Variants in GRB10 observed in about 807,000 individuals in gnomAD.
GRB10 encodes growth factor receptor bound protein 10.
A neutral mutation model predicts 80.9 loss-of-function variants in GRB10; 20 were observed. That is an observed-to-expected ratio of 0.25 (90% CI 0.17 to 0.36). The LOEUF (loss-of-function observed/expected upper bound fraction) is 0.36. GRB10 is among the 10% of genes least tolerant of loss of function. The probability of loss-of-function intolerance (pLI) is 1.00; values close to 1 mark genes in which losing one functional copy is unlikely to be tolerated. For missense variants in GRB10, 548 were observed against 747.7 expected (o/e 0.73, Z 3.12); for synonymous variants, 291 against 291.5 (o/e 1.00, Z 0.02).
intron 8 of GRB10, among the ~76,000 whole-genome samples, chr7:50,619,879 C>T (rs2051362187): frequency 6.6e-6 from 1 of 152,190 alleles, no homozygotes; most frequent in African/African-American, 2.4e-5. Context: ...CACGTGAAGG[C>T]AGGGAAGAAA....
At chr7:50,688,313 A>G (rs888554210) in intron 5 of GRB10, among the ~76,000 whole-genome samples, 17 of 152,236 alleles carry the variant, frequency 1.1e-4, no homozygotes, top group African/African-American at 4.1e-4. Flanking sequence ...CATGTATTTG[A>G]TAATTTAATA....
rs1301434588 is a variant in GRB10 at position 50,605,349 on chromosome 7, C to T, written c.1330G>A (p.Val444Met). The change falls in exon 15 of 19, where the codon GTG (valine) becomes ATG (methionine). Residue 444 changes from valine to methionine, a missense_variant. Physicochemically the swap from Val to Met is conservative, Grantham distance 21 (BLOSUM62 1). Around this residue, in one of 4 missense-constraint regions of GRB10, gnomAD observed 270 missense variants for 433.6 expected, o/e 0.62. Coordinates refer to ENST00000401949, the MANE Select transcript of GRB10 (RefSeq NM_001350814.2). ...TGGGCCTCTGCCGGATTCTCTATCA[C>T]GCGTCCTGTTTGCCCAGAAAAATCC... is the stretch of plus-strand genomic sequence containing the variant. ...AMDFSGQTGR[V>M]IENPAEAQSA... The T allele has an allele frequency of 6.2e-7, 1 of 1,614,214 alleles. No individual in the cohort carries two copies. The highest frequency in any genetic ancestry group is 1.7e-5 in the Admixed American group (1 of 60,028).
At chr7:50,759,561 T>C (rs1562638873) in intron 2 of GRB10, among the ~76,000 whole-genome samples, 1 of 152,240 alleles carries the variant, frequency 6.6e-6, no homozygotes, top group Non-Finnish European at 1.5e-5. Context: ...ATGATGTAAA[T>C]GCTATATTGT....
chr7:50,667,995 G>A (rs1033914037), intron 7 of GRB10, among the ~76,000 whole-genome samples: 1 of 152,236 alleles, frequency 6.6e-6, no homozygotes, highest in African/African-American at 2.4e-5. Context: ...CCCACAGACA[G>A]CTTGTCTGGA....
chr7:50,753,039 G>C (rs1024152907), intron 3 of GRB10, among the ~76,000 whole-genome samples: 10 of 152,168 alleles, frequency 6.6e-5, no homozygotes, highest in Non-Finnish European at 8.8e-5. Flanking sequence ...CTGGCTCTTA[G>C]AGGCAGTGAG....
chr7:50,602,325 G>A (rs2047753727), intron 17 of GRB10, among the ~76,000 whole-genome samples: 1 of 152,152 alleles, frequency 6.6e-6, no homozygotes, highest in Non-Finnish European at 1.5e-5. Flanking sequence ...CCTTGGTGGG[G>A]AGGTTCCAGC....
At chr7:50,732,991 T>A (rs1002242816) in intron 3 of GRB10, among the ~76,000 whole-genome samples, 3 of 152,190 alleles carry the variant, frequency 2.0e-5, no homozygotes, top group Non-Finnish European at 4.4e-5. Context: ...CAAGACCCTG[T>A]TATGGGATGA....
chr7:50,655,123 CT>C (rs2058504434), intron 7 of GRB10, among the ~76,000 whole-genome samples: 1 of 152,276 alleles, frequency 6.6e-6, no homozygotes, highest in South Asian at 2.1e-4. Flanking sequence ...CGAGGTCATT[CT>C]CTAGAATGTC....
intron 2 of GRB10, among the ~76,000 whole-genome samples, chr7:50,759,708 A>G (rs1218915816): frequency 6.6e-6 from 1 of 152,178 alleles, no homozygotes; most frequent in African/African-American, 2.4e-5. Flanking sequence ...AAGCTGTGGA[A>G]TAGCAGAGCG....
Position 50,782,032 on chromosome 7 carries a change from C to T in GRB10, c.-327+392G>A, listed in dbSNP as rs2153713925. 6.6e-6 allele frequency among the ~76,000 whole-genome samples: 1 copy of T among 152,238 alleles called. No individual in the cohort carries two copies. The highest frequency in any genetic ancestry group is 2.1e-4 in the South Asian group (1 of 4,828). On this transcript the variant is annotated intron_variant, in intron 1 of 18. Transcript: ENST00000401949. This position sits in a 1 kb window ranked among gnomAD's most constrained non-coding sequence, Gnocchi z 6.6. ...AAAAGCCGGTGCAGTAGCCCGGATG[C>T]CCAGATCCACTCATTTCCCAAACCG...
At chr7:50,723,169 C>A (rs546976020) in intron 4 of GRB10, among the ~76,000 whole-genome samples, 271 of 151,480 alleles carry the variant, frequency 1.8e-3, no homozygotes, top group African/African-American at 6.1e-3. Context: ...GCTTTTTTTT[C>A]TTTAAAAAAA....
At chr7:50,744,091 C>G (rs903097404) in intron 3 of GRB10, among the ~76,000 whole-genome samples, 2 of 151,934 alleles carry the variant, frequency 1.3e-5, no homozygotes, top group Admixed American at 1.3e-4. Flanking sequence ...CTGTGGTAGG[C>G]ATGTGCAGAG....
intron 5 of GRB10, among the ~76,000 whole-genome samples, chr7:50,702,405 C>A (rs569869187): frequency 2.8e-4 from 43 of 152,344 alleles, no homozygotes; most frequent in Non-Finnish European, 4.6e-4. Flanking sequence ...TTGGGAGCCA[C>A]AGCCCTGAGG....
chr7:50,751,472 G>A (rs1278699875), intron 3 of GRB10, among the ~76,000 whole-genome samples: 1 of 152,114 alleles, frequency 6.6e-6, no homozygotes, highest in African/African-American at 2.4e-5. Context: ...AAAATAAATA[G>A]CCAGGGGCCA....
At chr7:50,784,862 C>T (rs2078627010), upstream of GRB10, among the ~76,000 whole-genome samples, 1 of 152,198 alleles carries the variant, frequency 6.6e-6, no homozygotes, top group Admixed American at 6.5e-5. Flanking sequence ...CTACCATTCA[C>T]CTCTGGAAAT....
At chr7:50,685,235 CAG>C (rs2061981765) in intron 5 of GRB10, among the ~76,000 whole-genome samples, 1 of 152,196 alleles carries the variant, frequency 6.6e-6, no homozygotes, top group Non-Finnish European at 1.5e-5. Flanking sequence ...GTTAACAAAA[CAG>C]AGACAAATCC....
At chr7:50,609,476 C>A (rs1223724509) in intron 13 of GRB10, among the ~76,000 whole-genome samples, 3 of 152,182 alleles carry the variant, frequency 2.0e-5, no homozygotes, top group Admixed American at 6.5e-5. Flanking sequence ...TAATAACATA[C>A]ACATTTTATT....
At chr7:50,775,921 T>C (rs924384332) in intron 2 of GRB10, among the ~76,000 whole-genome samples, 12 of 152,162 alleles carry the variant, frequency 7.9e-5, no homozygotes, top group Admixed American at 7.9e-4. Flanking sequence ...AGCAGAGAAG[T>C]GATGCCAGGC....
chr7:50,621,189 C>T (rs1011580435), intron 8 of GRB10, among the ~76,000 whole-genome samples: 7 of 152,198 alleles, frequency 4.6e-5, no homozygotes, highest in African/African-American at 1.2e-4. Flanking sequence ...TGTCTCCCTG[C>T]GCCTCCCCTG....
Sources: gnomAD v4.1 joint callset for allele counts (sites outside exome capture counted in the v4.1 genomes callset) on GRCh38, gnomAD v4.1.1 for gene constraint, gnomAD v4.1.1 regional missense constraint, Gnocchi (gnomAD v3.1) non-coding constraint, MANE v1.5 for transcripts, NCBI Gene and HGNC (gene_info 2026-07-23, HGNC 2026-07-21) for gene names.